Variants in FOXP2 observed in about 807,000 individuals in gnomAD.
FOXP2 encodes the protein forkhead box protein P2.
Under a neutral mutation model 115.8 loss-of-function variants are expected in FOXP2, and 12 were observed. The ratio of observed to expected loss-of-function variants is 0.10; its 90% CI spans 0.07 to 0.17. FOXP2 has a LOEUF of 0.17. FOXP2 is among the 10% of genes least tolerant of loss of function. The pLI is 1.00. For synonymous variants in FOXP2, 328 were observed against 297.7 expected (o/e 1.10, Z -1.05); for missense variants, 629 against 843.5 (o/e 0.75, Z 3.15).
chr7:114,337,848 G>A (rs1464779384), intron 2 of FOXP2, among the ~76,000 whole-genome samples: 1 of 150,734 alleles, frequency 6.6e-6, no homozygotes, highest in Non-Finnish European at 1.5e-5. Context: ...TCACAAGAGT[G>A]ATTTCCTACT....
chr7:114,349,639 T>A (rs1791431909), intron 2 of FOXP2, among the ~76,000 whole-genome samples: 1 of 150,336 alleles, frequency 6.7e-6, no homozygotes, highest in Admixed American at 6.8e-5. Context: ...ATTGCTTCAT[T>A]TACTTCACAA....
intron 1 of FOXP2, among the ~76,000 whole-genome samples, chr7:114,210,808 AGGGAGG>A (rs1303936378): frequency 6.6e-6 from 1 of 152,062 alleles, no homozygotes; most frequent in Non-Finnish European, 1.5e-5. Context: ...GCTTCATCCC[AGGGAGG>A]GATAAGCTCT....
chr7:114,280,611 C>T (rs1275020652), intron 1 of FOXP2, among the ~76,000 whole-genome samples: 1 of 151,914 alleles, frequency 6.6e-6, no homozygotes, highest in Non-Finnish European at 1.5e-5. Flanking sequence ...ACTACAGAAG[C>T]CTTTGTCTAA....
chr7:114,517,028 T>A (rs556328498), intron 2 of FOXP2, among the ~76,000 whole-genome samples: 128 of 152,128 alleles, frequency 8.4e-4, no homozygotes, highest in Admixed American at 1.4e-3. Context: ...TTTTTTTTTT[T>A]AAATAATATC....
intron 1 of FOXP2, among the ~76,000 whole-genome samples, chr7:114,151,841 CA>C (rs1792536291): frequency 6.6e-6 from 1 of 151,990 alleles, no homozygotes; most frequent in African/African-American, 2.4e-5. Context: ...AAATATAACA[CA>C]AAAACAAGTC....
intron 2 of FOXP2, among the ~76,000 whole-genome samples, chr7:114,354,677 C>T (rs1286423297): frequency 1.3e-5 from 2 of 152,080 alleles, no homozygotes; most frequent in African/African-American, 4.8e-5. Flanking sequence ...CTCTAGATAA[C>T]ATGTTTCTTC....
At chr7:114,264,745 A>G (rs1195235507) in intron 1 of FOXP2, among the ~76,000 whole-genome samples, 2 of 152,190 alleles carry the variant, frequency 1.3e-5, no homozygotes, top group African/African-American at 4.8e-5. Context: ...CATGCAACCA[A>G]CATTGCTCAG....
At chr7:114,163,825 A>AT (rs1425738635) in intron 1 of FOXP2, among the ~76,000 whole-genome samples, 5 of 152,198 alleles carry the variant, frequency 3.3e-5, no homozygotes, top group Admixed American at 3.3e-4. Context: ...CATCCTTATG[A>AT]TAATGTGATA....
At chr7:114,446,455 A>G (rs1382569529) in intron 2 of FOXP2, among the ~76,000 whole-genome samples, 1 of 152,034 alleles carries the variant, frequency 6.6e-6, no homozygotes, top group Non-Finnish European at 1.5e-5. Context: ...GGAGCTAATA[A>G]TCTATTAATA....
chr7:114,197,240 C>T (rs1793936946), intron 1 of FOXP2, among the ~76,000 whole-genome samples: 1 of 152,142 alleles, frequency 6.6e-6, no homozygotes, highest in African/African-American at 2.4e-5. Context: ...CACCTCAAAT[C>T]TCTAAGTTCA....
intron 1 of FOXP2, among the ~76,000 whole-genome samples, chr7:114,147,567 G>A (rs982217266): frequency 3.3e-5 from 5 of 152,150 alleles, no homozygotes; most frequent in Non-Finnish European, 2.9e-5. Context: ...ACCCTGTTGT[G>A]TCTGCCACAA....
intron 1 of FOXP2, among the ~76,000 whole-genome samples, chr7:114,205,393 G>A (rs1794173710): frequency 6.6e-6 from 1 of 152,274 alleles, no homozygotes; most frequent in South Asian, 2.1e-4. Flanking sequence ...AAGTTGGTAA[G>A]AATCAGATGA....
At chr7:114,169,560 G>A (rs1038473221) in intron 1 of FOXP2, among the ~76,000 whole-genome samples, 1 of 152,130 alleles carries the variant, frequency 6.6e-6, no homozygotes, top group Non-Finnish European at 1.5e-5. Flanking sequence ...GCAGGTTCAT[G>A]GGGGGAAGGG....
intron 3 of FOXP2, among the ~76,000 whole-genome samples, chr7:114,609,570 C>G (rs1001452166): frequency 4.6e-5 from 7 of 152,166 alleles, no homozygotes; most frequent in African/African-American, 1.7e-4. Context: ...AATGTCTTTT[C>G]TATGCCTTGG....
intron 1 of FOXP2, among the ~76,000 whole-genome samples, chr7:114,210,148 C>T (rs941109340): frequency 7.2e-5 from 11 of 152,290 alleles, no homozygotes; most frequent in Middle Eastern, 3.4e-3. Context: ...TCCATCTTAG[C>T]CTTAGCCCAC....
At chr7:114,123,709 A>G (rs1259604971) in intron 1 of FOXP2, among the ~76,000 whole-genome samples, 1 of 152,084 alleles carries the variant, frequency 6.6e-6, no homozygotes, top group African/African-American at 2.4e-5. Context: ...CTTCTTTCAG[A>G]TTTGTGTACA....
At chr7:114,601,790 A>G (rs1033678421) in intron 3 of FOXP2, among the ~76,000 whole-genome samples, 4 of 152,262 alleles carry the variant, frequency 2.6e-5, no homozygotes, top group South Asian at 2.1e-4. Flanking sequence ...CTCTTAAGTT[A>G]TAACTTCATA....
At chr7:114,286,987 G>A (rs745940618) in intron 1 of FOXP2, among the ~76,000 whole-genome samples, 1 of 152,060 alleles carries the variant, frequency 6.6e-6, no homozygotes, top group Non-Finnish European at 1.5e-5. Context: ...AAGATGGCAA[G>A]TGATGCCAGT....
intron 1 of FOXP2, among the ~76,000 whole-genome samples, chr7:114,255,394 G>T (rs1024752461): frequency 1.3e-5 from 2 of 152,224 alleles, no homozygotes; most frequent in African/African-American, 4.8e-5. Flanking sequence ...CAGAGGTGGA[G>T]TCTACAGATG....
Sources: gnomAD v4.1 joint callset for allele counts (sites outside exome capture counted in the v4.1 genomes callset) on GRCh38, gnomAD v4.1.1 for gene constraint, MANE v1.5 for transcripts, NCBI Gene and HGNC (gene_info 2026-07-23, HGNC 2026-07-21) for gene names.